Variants in TMC6 observed in about 807,000 individuals in gnomAD.
TMC6 encodes the protein transmembrane channel like 6.
A neutral mutation model predicts 95.4 loss-of-function variants in TMC6; 71 were observed. The ratio of observed to expected loss-of-function variants is 0.74; its 90% CI spans 0.61 to 0.91. The LOEUF (loss-of-function observed/expected upper bound fraction) is 0.91, where lower values mean the gene tolerates loss of function less well. Ranked by LOEUF, TMC6 falls within the 40% of genes least tolerant of loss-of-function variation. TMC6 has a pLI of 0.00. For synonymous variants in TMC6, 514 were observed against 483.1 expected (o/e 1.06, Z -0.84); for missense variants, 1,074 against 1,079.1 (o/e 1.00, Z 0.07).
rs775388787 is a variant in TMC6, at chr17:78,120,766, G to A, written c.1602C>T (p.Gly534=). 5 of 1,613,070 alleles carry A rather than the reference G, an allele frequency of 3.1e-6. No individual in the cohort carries two copies. Among genetic ancestry groups the A allele is most frequent in the African/African-American group, 1.3e-5 (1 of 74,898 alleles). The change falls in exon 13 of 20, where the codon GGC becomes GGT. Residue 534 remains glycine (G), a synonymous_variant. Coordinates refer to ENST00000590602, the MANE Select transcript of TMC6 (RefSeq NM_001127198.5). ...LCYHWLGRRV[G]VLQGQCWEDF... ...CCTCCCAGCACTGGCCCTGCAGGAC[G>A]CCCACCCTGCGGCCCAGCCAGTGGT... is the stretch of plus-strand genomic sequence containing the variant.
rs2074395250 is a variant in TMC6, at chr17:78,121,161, G to T, written c.1387C>A (p.Pro463Thr). The T allele has an allele frequency of 4.4e-6, 7 of 1,589,108 alleles. No individual in the cohort carries two copies. The highest frequency in any genetic ancestry group is 6.0e-6 in the Non-Finnish European group (7 of 1,168,460). The change falls in exon 12 of 20, where the codon CCA becomes ACA. Residue 463 changes from proline to threonine, a missense_variant. Physicochemically the swap from Pro to Thr is conservative, Grantham distance 38. Transcript: ENST00000590602. This position sits in a 1 kb window ranked among gnomAD's most constrained non-coding sequence, Gnocchi z 5.6. ...HVFSEFMIQS[P>T]EAAGQEAVLL... Reference sequence around the variant, plus strand: ...ACAGCCTCCTGGCCAGCAGCCTCTGGACTCTGCAGGGGTGCAGGGAGCGGT... The same window carrying T: ...ACAGCCTCCTGGCCAGCAGCCTCTGTACTCTGCAGGGGTGCAGGGAGCGGT...
Position 78,121,323 on chromosome 17 carries a change from G to A in TMC6, c.1384-159C>T, listed in dbSNP as rs1373835691. ...AAGTTCAAACCACACAGGAAGCAGG[G>A]AGGGGTACAAGTAGTGGAAAAGAAA... is the stretch of plus-strand genomic sequence containing the variant. On this transcript the variant is annotated intron_variant, in intron 11 of 19. Transcript: ENST00000590602. This position sits in a 1 kb window ranked among gnomAD's most constrained non-coding sequence, Gnocchi z 5.6. 2.0e-5 allele frequency among the ~76,000 whole-genome samples: 3 copies of A among 152,176 alleles called. No homozygotes were observed. The highest frequency in any genetic ancestry group is 1.3e-4 in the Admixed American group (2 of 15,294).
In TMC6 at chr17:78,121,409, G is replaced by A. The variant is rs1415941421; in HGVS notation, c.1383+147C>T. 3 of 1,432,310 alleles carry A rather than the reference G, an allele frequency of 2.1e-6. No individual in the cohort carries two copies. The highest frequency in any genetic ancestry group is 2.4e-4 in the Middle Eastern group (1 of 4,154). The allele number at this position is 1,432,310 out of a possible 1,614,324, so 88.7% of individuals were successfully genotyped here. On this transcript the variant is annotated intron_variant, in intron 11 of 19. Transcript: ENST00000590602. This position sits in a 1 kb window ranked among gnomAD's most constrained non-coding sequence, Gnocchi z 5.6. ...AGGGGCTGAGAAGTGGGGCTCGGAG[G>A]GGGCCCCAGCACGGGGCACAGCGTA...
chr17:78,113,133 C>G lies in TMC6; in HGVS notation c.*15G>C, dbSNP rs947791999. 1.3e-6 allele frequency: 2 copies of G among 1,551,656 alleles called. No individual in the cohort carries two copies. The highest frequency in any genetic ancestry group is 1.7e-6 in the Non-Finnish European group (2 of 1,147,290). On this transcript the variant is annotated 3_prime_UTR_variant, in exon 20 of 20. Coordinates refer to ENST00000590602, the MANE Select transcript of TMC6 (RefSeq NM_001127198.5). Reference sequence around the variant, plus strand: ...CAGGGTGCTGGGCGGGCCCGTGAGGCCCATCGCCGTCCCCCTAGGCATCCT... The same window carrying G: ...CAGGGTGCTGGGCGGGCCCGTGAGGGCCATCGCCGTCCCCCTAGGCATCCT...
chr17:78,126,255 C>CGAGGCT (rs1319654608), intron 4 of TMC6, 22 bp downstream of exon 4: 6 of 1,545,904 alleles, frequency 3.9e-6, no homozygotes, highest in East Asian at 2.4e-5. Context: ...GGGCCGAGGC[C>CGAGGCT]GAGGCTGAGG....
chr17:78,131,430 A>T, upstream of TMC6: 1 of 1,004,804 alleles, frequency 1.0e-6, no homozygotes, highest in South Asian at 1.4e-5. Context: ...GGGCTGCAGG[A>T]GCCCAGGCCC....
At chr17:78,114,954 C>A (rs563192609) in intron 18 of TMC6, among the ~76,000 whole-genome samples, 5 of 152,358 alleles carry the variant, frequency 3.3e-5, no homozygotes, top group African/African-American at 1.2e-4. Context: ...ACTCTGCATT[C>A]CCCGCCCGGA....
chr17:78,131,664 A>G, upstream of TMC6: 3 of 1,568,416 alleles, frequency 1.9e-6, no homozygotes, highest in African/African-American at 1.3e-5. Flanking sequence ...GGAGGCAGAG[A>G]TGGAGCGGCT....
In TMC6 at chr17:78,113,597, T is replaced by C. The variant is rs1051675004; in HGVS notation, c.2305A>G (p.Asn769Asp). ...NEGEDKIFLI[N>D]KLHSIYERKE... ...CTCTCGTAGATGGAGTGAAGCTTGTTGATTAAGAAGATTTTGTCCTCACCC... is the reference window on the plus strand; with the variant it reads ...CTCTCGTAGATGGAGTGAAGCTTGTCGATTAAGAAGATTTTGTCCTCACCC... The change falls in exon 19 of 20, where the codon AAC (asparagine) becomes GAC (aspartate). Residue 769 changes from asparagine (N) to aspartate (D), a missense_variant. Transcript: ENST00000590602. 3.1e-6 allele frequency: 5 copies of C among 1,613,966 alleles called. No homozygotes were observed. The highest frequency in any genetic ancestry group is 3.4e-6 in the Non-Finnish European group (4 of 1,180,024).
In TMC6 at chr17:78,111,658, C is replaced by G. The variant is rs2073826976; in HGVS notation, c.*1490G>C. The G allele has an allele frequency of 6.5e-6, 1 of 153,124 alleles. No homozygotes were observed. Among genetic ancestry groups the G allele is most frequent in the Admixed American group, 6.5e-5 (1 of 15,316 alleles). 9.5% of individuals were successfully genotyped at this position (153,124 alleles called of 1,614,324 possible). On this transcript the variant is annotated 3_prime_UTR_variant, in exon 20 of 20. Transcript: ENST00000590602. The stretch of plus-strand genomic sequence containing the variant: ...CTCTGTCGGGCCCCTGTGGCAGCAC[C>G]CAGATGTCTGCAGAGCACAGGAGCA...
At chr17:78,115,601 C>T (rs1161644677) in intron 18 of TMC6, among the ~76,000 whole-genome samples, 1 of 148,438 alleles carries the variant, frequency 6.7e-6, no homozygotes, top group Admixed American at 6.7e-5. Flanking sequence ...GCAAGGAGGT[C>T]CTCCTGGGCA....
At chr17:78,126,430 C>A in intron 3 of TMC6, 64 bp from the exon 4 acceptor site, 1 of 1,606,136 alleles carries the variant, frequency 6.2e-7, no homozygotes, top group Non-Finnish European at 8.5e-7. Flanking sequence ...ATCTCCCACC[C>A]CATCCCAGGC....
Position 78,122,687 on chromosome 17 carries a change from G to A in TMC6, c.1145C>T (p.Thr382Ile), listed in dbSNP as rs779530785. 3.1e-6 allele frequency: 5 copies of A among 1,611,814 alleles called. No homozygotes were observed. The African/African-American group carries it at 6.7e-5, about 22-fold the overall frequency. The change falls in exon 10 of 20, where the codon ACC (threonine) becomes ATC (isoleucine). Residue 382 changes from threonine (T) to isoleucine (I), a missense_variant. Thr to Ile is a moderately conservative substitution (Grantham distance 89). Transcript: ENST00000590602. This position sits in a 1 kb window ranked among gnomAD's most constrained non-coding sequence, Gnocchi z 4.9. ...VGSTSGIHAI[T>I]VFCSWDYKVT... ...CTTGTAGTCCCAGGAGCAGAAGACG[G>A]TGATGGCGTGGATGCCAGAGGTGCT...
rs922021017 is a variant in TMC6 at position 78,121,835 on chromosome 17, C to G, written c.1228-124G>C. The G allele has an allele frequency of 3.9e-6, 5 of 1,277,168 alleles. No individual in the cohort carries two copies. In the Admixed American group the frequency reaches 9.9e-5, roughly 25 times the overall value. 79.1% of individuals were successfully genotyped at this position (1,277,168 alleles called of 1,614,324 possible). ...AGGAGGCTTGAACCAGGACAGAGGG[C>G]CAGTTCCCCATGCCCCACCTGCCCT... On this transcript the variant is annotated intron_variant, in intron 10 of 19. Coordinates refer to ENST00000590602, the MANE Select transcript of TMC6 (RefSeq NM_001127198.5). This position sits in a 1 kb window ranked among gnomAD's most constrained non-coding sequence, Gnocchi z 5.6.
At position 78,113,165 on chromosome 17, in the gene TMC6, C is replaced by T. The variant is rs1336583983; in HGVS notation, c.2401G>A (p.Asp801Asn). The change falls in exon 20 of 20, where the codon GAT becomes AAT. Residue 801 changes from aspartate to asparagine, a missense_variant. By Grantham distance (23) the Asp-to-Asn change is conservative. Coordinates refer to ENST00000590602, the MANE Select transcript of TMC6 (RefSeq NM_001127198.5). ...EAAAPPALLTDEQDA is the reference protein window; with the variant it reads ...EAAAPPALLTNEQDA ...CCGTCCCCCTAGGCATCCTGTTCAT[C>T]TGTGAGCAGGGCAGGGGGTGCCGCA... 1.9e-6 allele frequency: 3 copies of T among 1,557,338 alleles called. No individual in the cohort carries two copies. The highest frequency in any genetic ancestry group is 2.4e-5 in the South Asian group (2 of 84,442).
Position 78,110,069 on chromosome 17 carries a change from G to GA in TMC6, c.*3078dup, listed in dbSNP as rs10715213. 2.1e-3 allele frequency: 280 copies of GA among 132,552 alleles called. No individual in the cohort carries two copies. The highest frequency in any genetic ancestry group is 4.0e-3 in the African/African-American group (143 of 36,020). 8.2% of individuals were successfully genotyped at this position (132,552 alleles called of 1,614,324 possible). On this transcript the variant is annotated 3_prime_UTR_variant, in exon 20 of 20. Transcript: ENST00000590602. ...GAACAAGAGTGAAACTCCATTCCAA[G>GA]AAAAAAAAAAAAAATTCACATCCAA...
At position 78,108,689 on chromosome 17, in the gene TMC6, C is replaced by T; in HGVS notation, c.*4459G>A. On this transcript the variant is annotated 3_prime_UTR_variant, in exon 20 of 20. Transcript: ENST00000590602. ...CTGTGTAGGGACCCCACGCAAAGAC[C>T]TCGTGGGCCTGGGTGTCCAGGGCAC... is the stretch of plus-strand genomic sequence containing the variant. The T allele has an allele frequency of 6.5e-6, 1 of 154,686 alleles. No individual in the cohort carries two copies. The highest frequency in any genetic ancestry group is 5.3e-4 in the Middle Eastern group (1 of 1,872). The allele number at this position is 154,686 out of a possible 1,614,324, so 9.6% of individuals were successfully genotyped here.
At chr17:78,132,118 T>C, upstream of TMC6, 2 of 1,522,774 alleles carry the variant, frequency 1.3e-6, no homozygotes, top group Non-Finnish European at 1.8e-6. Flanking sequence ...TCATCCCACC[T>C]GCCTTCACCC....
At position 78,125,784 on chromosome 17, in the gene TMC6, G is replaced by C. The variant is rs1475518925; in HGVS notation, c.372C>G (p.Ala124=). The C allele has an allele frequency of 1.3e-6, 2 of 1,562,696 alleles. No individual in the cohort carries two copies. Among genetic ancestry groups the C allele is most frequent in the East Asian group, 4.8e-5 (2 of 41,666 alleles). The change falls in exon 5 of 20, where the codon GCC becomes GCG. Residue 124 remains alanine, a synonymous_variant. Transcript: ENST00000590602. ...GGTCGTACAGGCGGAGGCTGGGCCAGGCGGAGCGGACAAAGTTCCCGAGCA... is the reference window on the plus strand; with the variant it reads ...GGTCGTACAGGCGGAGGCTGGGCCACGCGGAGCGGACAAAGTTCCCGAGCA... ...RPLLGNFVRS[A]WPSLRLYDLE...
Sources: allele counts gnomAD v4.1 joint callset (sites outside exome capture counted in the v4.1 genomes callset), GRCh38; gene constraint gnomAD v4.1.1; non-coding constraint Gnocchi (gnomAD v3.1); transcripts MANE v1.5; gene names NCBI Gene and HGNC (gene_info 2026-07-23, HGNC 2026-07-21).